Variants in LRMDA observed in about 807,000 individuals in gnomAD.
LRMDA encodes leucine rich melanocyte differentiation associated.
A neutral mutation model predicts 29.8 loss-of-function variants in LRMDA; 18 were observed. That is an observed-to-expected ratio of 0.60 (90% confidence interval 0.42 to 0.90). The LOEUF is 0.90. Ranked by LOEUF, LRMDA falls within the 40% of genes least tolerant of loss-of-function variation. The pLI, the probability that LRMDA is intolerant of heterozygous loss-of-function variation, is 0.00. For missense variants in LRMDA, 273 were observed against 273.9 expected (o/e 1.00, Z 0.02); for synonymous variants, 125 against 109.4 (o/e 1.14, Z -0.89).
chr10:76,133,793 A>ATC (rs1277295588), intron 5 of LRMDA, among the ~76,000 whole-genome samples: 2 of 152,000 alleles, frequency 1.3e-5, no homozygotes, highest in African/African-American at 4.8e-5. Flanking sequence ...TATACATCTT[A>ATC]TCTCTGCCAG....
At chr10:76,326,977 A>G (rs958062733) in intron 6 of LRMDA, among the ~76,000 whole-genome samples, 3 of 152,006 alleles carry the variant, frequency 2.0e-5, no homozygotes, top group Admixed American at 6.6e-5. Context: ...ATTTGTTTCT[A>G]TCTTCTAGGT....
At chr10:76,181,651 G>A (rs1851052671) in intron 5 of LRMDA, among the ~76,000 whole-genome samples, 1 of 152,202 alleles carries the variant, frequency 6.6e-6, no homozygotes, top group African/African-American at 2.4e-5. Flanking sequence ...CCAGAGATAA[G>A]GACCTCTTTC....
chr10:75,751,958 A>G (rs1440221840), intron 2 of LRMDA, among the ~76,000 whole-genome samples: 1 of 151,842 alleles, frequency 6.6e-6, no homozygotes, highest in Non-Finnish European at 1.5e-5. Context: ...TTCTCTTTCA[A>G]TCCTTTAGTT....
At chr10:75,523,705 T>C (rs867489432) in intron 2 of LRMDA, among the ~76,000 whole-genome samples, 3 of 152,196 alleles carry the variant, frequency 2.0e-5, no homozygotes, top group African/African-American at 7.2e-5. Context: ...GACTGGGATG[T>C]GTGGCTACTC....
intron 2 of LRMDA, among the ~76,000 whole-genome samples, chr10:75,551,570 G>A (rs1299104647): frequency 6.6e-6 from 1 of 151,372 alleles, no homozygotes; most frequent in Non-Finnish European, 1.5e-5. Flanking sequence ...ACTTATGAAT[G>A]AGAACATGTG....
At chr10:76,052,569 GA>G (rs981808843) in intron 4 of LRMDA, among the ~76,000 whole-genome samples, 3 of 151,302 alleles carry the variant, frequency 2.0e-5, no homozygotes, top group African/African-American at 4.9e-5. Context: ...TGGAAAGAAA[GA>G]AAAAAAAGGT....
chr10:76,324,278 A>C, intron 5 of LRMDA, 123 bp from the exon 6 acceptor site: 1 of 860,530 alleles, frequency 1.2e-6, no homozygotes, highest in Non-Finnish European at 1.9e-6. Context: ...GCTTCCTAAG[A>C]AGTATCTTGG....
intron 2 of LRMDA, among the ~76,000 whole-genome samples, chr10:75,666,480 C>T (rs1589151261): frequency 6.6e-6 from 1 of 151,314 alleles, no homozygotes; most frequent in Non-Finnish European, 1.5e-5. Context: ...GTTTATATGA[C>T]CACAGGATTT....
chr10:76,376,097 C>T (rs1333457656), intron 6 of LRMDA, among the ~76,000 whole-genome samples: 2 of 151,910 alleles, frequency 1.3e-5, no homozygotes, highest in Non-Finnish European at 2.9e-5. Flanking sequence ...AACCAACACC[C>T]AAATAGTGTA....
intron 5 of LRMDA, among the ~76,000 whole-genome samples, chr10:76,121,076 G>A (rs1394809475): frequency 1.3e-5 from 2 of 151,770 alleles, no homozygotes; most frequent in Non-Finnish European, 2.9e-5. Context: ...ATATTGAAAT[G>A]TTTGTATGTG....
At chr10:76,436,225 C>A (rs1387315435) in intron 6 of LRMDA, among the ~76,000 whole-genome samples, 1 of 152,176 alleles carries the variant, frequency 6.6e-6, no homozygotes, top group Non-Finnish European at 1.5e-5. Context: ...TCCCGCTTCC[C>A]ACAGTGCTCA....
At chr10:75,583,345 GC>G (rs1288620094) in intron 2 of LRMDA, among the ~76,000 whole-genome samples, 2 of 152,198 alleles carry the variant, frequency 1.3e-5, no homozygotes, top group African/African-American at 4.8e-5. Context: ...AAGCACAGCA[GC>G]TTCCATTTCT....
intron 5 of LRMDA, among the ~76,000 whole-genome samples, chr10:76,142,447 T>C (rs1387527851): frequency 2.0e-5 from 3 of 152,108 alleles, no homozygotes; most frequent in African/African-American, 7.2e-5. Context: ...AATACATTTA[T>C]GTACCTAAAT....
chr10:75,639,804 G>A (rs1233870158), intron 2 of LRMDA, among the ~76,000 whole-genome samples: 3 of 152,202 alleles, frequency 2.0e-5, no homozygotes, highest in Admixed American at 1.3e-4. Context: ...GTCCATCTTG[G>A]TGGCATCTGA....
intron 6 of LRMDA, among the ~76,000 whole-genome samples, chr10:76,512,041 G>A (rs535302016): frequency 1.3e-5 from 2 of 152,148 alleles, no homozygotes; most frequent in Non-Finnish European, 2.9e-5. Flanking sequence ...GGACCCAGTG[G>A]GAGATGATTT....
chr10:76,192,004 C>T (rs1851255764), intron 5 of LRMDA, among the ~76,000 whole-genome samples: 1 of 152,064 alleles, frequency 6.6e-6, no homozygotes, highest in African/African-American at 2.4e-5. Flanking sequence ...ACCCAGGTCT[C>T]GCGTGCGGTA....
At chr10:75,915,264 T>G (rs979085651) in intron 2 of LRMDA, among the ~76,000 whole-genome samples, 3 of 150,102 alleles carry the variant, frequency 2.0e-5, no homozygotes. Flanking sequence ...GCCTCCTGAG[T>G]AGCTGGGATT....
intron 5 of LRMDA, among the ~76,000 whole-genome samples, chr10:76,233,534 A>C (rs1419925201): frequency 6.6e-6 from 1 of 152,198 alleles, no homozygotes; most frequent in African/African-American, 2.4e-5. Flanking sequence ...TCTCTGTAGC[A>C]TGTGATGCTG....
chr10:76,126,520 G>A (rs540286272), intron 5 of LRMDA, among the ~76,000 whole-genome samples: 9 of 152,244 alleles, frequency 5.9e-5, no homozygotes, highest in African/African-American at 2.2e-4. Flanking sequence ...GAAAGAGTCC[G>A]CTCCTGCTGG....
Sources: allele counts gnomAD v4.1 joint callset (sites outside exome capture counted in the v4.1 genomes callset), GRCh38; gene constraint gnomAD v4.1.1; transcripts MANE v1.5; gene names NCBI Gene and HGNC (gene_info 2026-07-23, HGNC 2026-07-21).